BRINP1: variants seen among roughly 807,000 people sequenced by gnomAD.
BRINP1 encodes BMP/retinoic acid-inducible neural-specific protein 1.
A neutral mutation model predicts 72.9 loss-of-function variants in BRINP1; 17 were observed. The ratio of observed to expected loss-of-function variants is 0.23; its 90% CI spans 0.16 to 0.35. The LOEUF (loss-of-function observed/expected upper bound fraction) is 0.35. Among genes scored for constraint, BRINP1 ranks in the 10% least tolerant of loss-of-function variants. BRINP1 has a pLI of 1.00. For missense variants in BRINP1, 850 were observed against 1,001.6 expected, an observed-to-expected ratio of 0.85 and a Z score of 2.04; for synonymous variants, 418 against 378.5, an observed-to-expected ratio of 1.10 and a Z score of -1.21.
At chr9:119,327,387 C>A (rs560532138) in intron 1 of BRINP1, among the ~76,000 whole-genome samples, 2 of 152,218 alleles carry the variant, frequency 1.3e-5, no homozygotes, top group Middle Eastern at 3.4e-3. Flanking sequence ...CTATGTATGT[C>A]CAGCATCTGG....
chr9:119,196,304 G>A (rs1325768113), intron 7 of BRINP1, among the ~76,000 whole-genome samples: 1 of 152,166 alleles, frequency 6.6e-6, no homozygotes, highest in Non-Finnish European at 1.5e-5. Flanking sequence ...TACTCCAGGT[G>A]ACGGTGATGC....
chr9:119,245,491 A>T (rs1227554195), intron 3 of BRINP1, among the ~76,000 whole-genome samples: 1 of 152,196 alleles, frequency 6.6e-6, no homozygotes, highest in Non-Finnish European at 1.5e-5. Flanking sequence ...GGACTAAGGA[A>T]AATTTCTATG....
intron 7 of BRINP1, among the ~76,000 whole-genome samples, chr9:119,198,610 C>T (rs1442929061): frequency 6.6e-6 from 1 of 151,984 alleles, no homozygotes; most frequent in Non-Finnish European, 1.5e-5. Flanking sequence ...AAAGTGTTGT[C>T]ATCAATTATT....
intron 5 of BRINP1, among the ~76,000 whole-genome samples, chr9:119,216,902 G>T (rs888056786): frequency 2.0e-5 from 3 of 152,160 alleles, no homozygotes; most frequent in Non-Finnish European, 2.9e-5. Context: ...GGGGTTGGGG[G>T]TTTTCTGGGA....
chr9:119,355,485 T>G (rs144035067), intron 1 of BRINP1, among the ~76,000 whole-genome samples: 1 of 151,980 alleles, frequency 6.6e-6, no homozygotes, highest in African/African-American at 2.4e-5. Flanking sequence ...TCCCAGCACT[T>G]TGGGAGGCCA....
intron 7 of BRINP1, among the ~76,000 whole-genome samples, chr9:119,198,967 C>G (rs1167604942): frequency 2.6e-5 from 4 of 152,122 alleles, no homozygotes; most frequent in African/African-American, 9.7e-5. Context: ...GCCACCGTGC[C>G]CAGCCTTGAA....
At chr9:119,364,718 T>C (rs544530698) in intron 1 of BRINP1, among the ~76,000 whole-genome samples, 1 of 152,200 alleles carries the variant, frequency 6.6e-6, no homozygotes, top group Non-Finnish European at 1.5e-5. Context: ...TTTCCTCTTC[T>C]GTAAAAGGGG....
rs745312796 is a variant in BRINP1 at position 119,167,756 on chromosome 9, G to A, written c.1614C>T (p.Ile538=). ...LKSNKNRMDF[I]HMVIGMSMRI... is the part of the protein sequence containing the mutation. ...GCATGGACATGCCGATCACCATGTG[G>A]ATGAAGTCCATGCGGTTCTTGTTGC... The change falls in exon 8 of 8, where the codon ATC becomes ATT. Residue 538 remains isoleucine (I), a synonymous_variant. Coordinates refer to ENST00000265922, the MANE Select transcript of BRINP1 (RefSeq NM_014618.3). This position sits in a 1 kb window ranked among gnomAD's most constrained non-coding sequence, Gnocchi z 4.3. 1 of 1,614,180 alleles carries A rather than the reference G, an allele frequency of 6.2e-7. No individual in the cohort carries two copies. Among genetic ancestry groups the A allele is most frequent in the South Asian group, 1.1e-5 (1 of 91,080 alleles).
chr9:119,318,527 T>C (rs946978122), intron 1 of BRINP1, among the ~76,000 whole-genome samples: 3 of 152,038 alleles, frequency 2.0e-5, no homozygotes, highest in Admixed American at 6.6e-5. Context: ...TGAGGTCTTG[T>C]TCAGAGCCTA....
intron 7 of BRINP1, among the ~76,000 whole-genome samples, chr9:119,205,918 T>G (rs918843445): frequency 1.3e-5 from 2 of 152,130 alleles, no homozygotes; most frequent in African/African-American, 4.8e-5. Flanking sequence ...GCACAGCTTT[T>G]TCACCTAAAG....
At chr9:119,224,085 C>A (rs144123215) in intron 5 of BRINP1, among the ~76,000 whole-genome samples, 1 of 151,978 alleles carries the variant, frequency 6.6e-6, no homozygotes, top group African/African-American at 2.4e-5. Context: ...CTTTCATTTA[C>A]CACTTTATTA....
At chr9:119,262,501 C>T (rs538831213) in intron 2 of BRINP1, among the ~76,000 whole-genome samples, 1 of 151,864 alleles carries the variant, frequency 6.6e-6, no homozygotes, top group African/African-American at 2.4e-5. Flanking sequence ...AAATAAATTG[C>T]CGGGCGCGGT....
intron 2 of BRINP1, among the ~76,000 whole-genome samples, chr9:119,293,457 C>G (rs561497536): frequency 1.3e-5 from 2 of 152,138 alleles, no homozygotes; most frequent in South Asian, 4.1e-4. Context: ...GCAAAAGCAC[C>G]AGCGATGTAC....
At chr9:119,345,342 A>C (rs756072435) in intron 1 of BRINP1, among the ~76,000 whole-genome samples, 1 of 152,212 alleles carries the variant, frequency 6.6e-6, no homozygotes, top group Non-Finnish European at 1.5e-5. Context: ...GGAGAAAAAA[A>C]AATTCTATTT....
chr9:119,286,533 C>T (rs1830762631), intron 2 of BRINP1, among the ~76,000 whole-genome samples: 1 of 152,240 alleles, frequency 6.6e-6, no homozygotes. Flanking sequence ...TGCGCCCGGC[C>T]ATCGCCATCA....
chr9:119,181,950 A>ATTAAG (rs1440439921), intron 7 of BRINP1, among the ~76,000 whole-genome samples: 1 of 152,224 alleles, frequency 6.6e-6, no homozygotes, highest in African/African-American at 2.4e-5. Context: ...GATGATGTGC[A>ATTAAG]TTAAGTTTCT....
At chr9:119,172,311 C>T (rs1020476988) in intron 7 of BRINP1, among the ~76,000 whole-genome samples, 2 of 152,016 alleles carry the variant, frequency 1.3e-5, no homozygotes, top group Non-Finnish European at 2.9e-5. Flanking sequence ...CACCACCAAT[C>T]CCACAGAAAT....
At chr9:119,182,033 C>T (rs946295893) in intron 7 of BRINP1, among the ~76,000 whole-genome samples, 1 of 152,154 alleles carries the variant, frequency 6.6e-6, no homozygotes, top group African/African-American at 2.4e-5. Context: ...AGTAAATGAT[C>T]CCTCTGAAAT....
At chr9:119,203,043 C>A (rs1043347650) in intron 7 of BRINP1, among the ~76,000 whole-genome samples, 1 of 152,040 alleles carries the variant, frequency 6.6e-6, no homozygotes, top group Non-Finnish European at 1.5e-5. Flanking sequence ...TGCATCTCAG[C>A]ACACTACAGT....
Sources: allele counts gnomAD v4.1 joint callset (sites outside exome capture counted in the v4.1 genomes callset), GRCh38; gene constraint gnomAD v4.1.1; non-coding constraint Gnocchi (gnomAD v3.1); transcripts MANE v1.5; gene names NCBI Gene and HGNC (gene_info 2026-07-23, HGNC 2026-07-21).